KCNT1: variants seen among roughly 807,000 people sequenced by gnomAD.
KCNT1 encodes potassium channel subfamily T member 1.
KCNT1 carries 78 observed loss-of-function variants against 147.8 expected under a neutral mutation model. The ratio of observed to expected loss-of-function variants is 0.53; its 90% CI spans 0.44 to 0.64. KCNT1 has a LOEUF of 0.64. Ranked by LOEUF, KCNT1 falls within the 30% of genes least tolerant of loss-of-function variation. The pLI is 0.00. For synonymous variants in KCNT1, 867 were observed against 748.8 expected, an observed-to-expected ratio of 1.16 and a Z score of -2.58; for missense variants, 1,419 against 1,750.3, an observed-to-expected ratio of 0.81 and a Z score of 3.38.
At chr9:135,742,218 G>T (rs1052563279) in intron 2 of KCNT1, among the ~76,000 whole-genome samples, 1 of 152,218 alleles carries the variant, frequency 6.6e-6, no homozygotes, top group African/African-American at 2.4e-5. Flanking sequence ...TGCCTCACCC[G>T]CTGGTCTGGG....
At chr9:135,713,858 C>G (rs1835607060) in intron 1 of KCNT1, among the ~76,000 whole-genome samples, 1 of 152,188 alleles carries the variant, frequency 6.6e-6, no homozygotes, top group Admixed American at 6.5e-5. Context: ...AGGGGTCCTC[C>G]CACTCTACCT....
At chr9:135,790,739 G>C (rs538985546) in intron 29 of KCNT1, 1 of 152,538 alleles carries the variant, frequency 6.6e-6, no homozygotes, top group Non-Finnish European at 1.5e-5. Context: ...AGCAGCCAGG[G>C]TGGAGGCTCC....
chr9:135,714,835 C>A lies in KCNT1; in HGVS notation c.254+115C>A. 1.3e-6 allele frequency: 1 copy of A among 753,494 alleles called. No individual in the cohort carries two copies. Among genetic ancestry groups the A allele is most frequent in the Non-Finnish European group, 1.7e-6 (1 of 587,136 alleles). The allele number at this position is 753,494 out of a possible 1,614,324, so 46.7% of individuals were successfully genotyped here. A position where few individuals can be genotyped will look rare whatever the true frequency, so the allele number is the denominator to read the frequency against. ...GCGCGCCCCCGCAGCCGCCGGCGCCCTTCAACTTTTCCCGGCTTCTGGGGA... is the reference window on the plus strand; with the variant it reads ...GCGCGCCCCCGCAGCCGCCGGCGCCATTCAACTTTTCCCGGCTTCTGGGGA... On this transcript the variant is annotated intron_variant, in intron 2 of 30. Coordinates refer to ENST00000371757, the MANE Select transcript of KCNT1 (RefSeq NM_020822.3). This position sits in a 1 kb window ranked among gnomAD's most constrained non-coding sequence, Gnocchi z 6.2.
rs77728351 is a variant in KCNT1, at chr9:135,764,788, G to A, written c.1036-243G>A. 0.016 allele frequency among the ~76,000 whole-genome samples: 2,366 copies of A among 152,208 alleles called. 37 individuals carry two copies. The highest frequency in any genetic ancestry group is 0.031 in the South Asian group (151 of 4,812). On this transcript the variant is annotated intron_variant, in intron 11 of 30. Coordinates refer to ENST00000371757, the MANE Select transcript of KCNT1 (RefSeq NM_020822.3). ...TCGGTTTACTCCACAGTCTCCAGCC[G>A]CCCCTCCTCCCTTGGTCCCCACACA...
At chr9:135,706,811 G>A (rs1345637641) in intron 1 of KCNT1, among the ~76,000 whole-genome samples, 2 of 152,156 alleles carry the variant, frequency 1.3e-5, no homozygotes, top group Non-Finnish European at 2.9e-5. Context: ...TTGAGGGAGG[G>A]GGCTGGGGCA....
rs1471718086 is a variant in KCNT1, at chr9:135,772,811, G to A, written c.2105G>A (p.Gly702Asp). Residue 702 changes from glycine to aspartate, a missense_variant, in exon 19 of 31, where the codon GGC becomes GAC. Coordinates refer to ENST00000371757, the MANE Select transcript of KCNT1 (RefSeq NM_020822.3). Reference protein sequence around the residue: ...GSKLALPTENGSGSRRPSIAP... With the variant: ...GSKLALPTENDSGSRRPSIAP... ...AAGCTGGCACTGCCCACGGAGAACG[G>A]CTCGGGCAGCCGGCGGCCCAGCATC... 1 of 1,516,906 alleles carries A rather than the reference G, an allele frequency of 6.6e-7. No homozygotes were observed. The highest frequency in any genetic ancestry group is 8.8e-7 in the Non-Finnish European group (1 of 1,130,038). 94.0% of individuals were successfully genotyped at this position (1,516,906 alleles called of 1,614,324 possible).
At chr9:135,721,125 C>T (rs533228596) in intron 2 of KCNT1, among the ~76,000 whole-genome samples, 1 of 152,230 alleles carries the variant, frequency 6.6e-6, no homozygotes, top group Non-Finnish European at 1.5e-5. Context: ...AGGGTGGCCC[C>T]TGGACTGGGG....
chr9:135,736,748 C>T, intron 2 of KCNT1: 1 of 378,070 alleles, frequency 2.6e-6, no homozygotes, highest in Non-Finnish European at 4.7e-6. Flanking sequence ...CTGCTGCCGG[C>T]CCGCGGCGGG....
intron 2 of KCNT1, among the ~76,000 whole-genome samples, chr9:135,734,200 C>T (rs567039397): frequency 3.3e-5 from 5 of 152,280 alleles, no homozygotes; most frequent in Middle Eastern, 3.4e-3. Flanking sequence ...GCCATAGGGT[C>T]GAGCCTCTCC....
intron 2 of KCNT1, among the ~76,000 whole-genome samples, chr9:135,747,297 AC>A (rs1032167596): frequency 5.1e-4 from 66 of 129,782 alleles, no homozygotes; most frequent in Admixed American, 6.5e-4. Context: ...AGGTGAGCAG[AC>A]CCCCCGCGTT....
At chr9:135,708,658 C>T (rs1472772918) in intron 1 of KCNT1, among the ~76,000 whole-genome samples, 4 of 152,224 alleles carry the variant, frequency 2.6e-5, no homozygotes, top group Non-Finnish European at 5.9e-5. Flanking sequence ...TTAAATGATC[C>T]TCCCACTTCA....
intron 2 of KCNT1, among the ~76,000 whole-genome samples, chr9:135,745,318 C>T (rs1830772379): frequency 6.6e-6 from 1 of 152,144 alleles, no homozygotes; most frequent in Non-Finnish European, 1.5e-5. Flanking sequence ...GGCGTTCCAC[C>T]GAGCCCACGC....
At chr9:135,767,526 C>G (rs1209281900) in intron 13 of KCNT1, among the ~76,000 whole-genome samples, 1 of 152,098 alleles carries the variant, frequency 6.6e-6, no homozygotes, top group Admixed American at 6.5e-5. Context: ...GTAGCCAGGC[C>G]AGGGAGCGGA....
At position 135,757,183 on chromosome 9, in the gene KCNT1, G is replaced by T; in HGVS notation, c.628G>T (p.Val210Leu). 2.5e-6 allele frequency: 4 copies of T among 1,604,136 alleles called. No homozygotes were observed. Among genetic ancestry groups the T allele is most frequent in the Non-Finnish European group, 2.5e-6 (3 of 1,177,646 alleles). ...CAACATCTGGGAGCAGATCTTCCGCGTGTCCTTCGTCCTGGAGATGATCAA... is the reference window on the plus strand; with the variant it reads ...CAACATCTGGGAGCAGATCTTCCGCTTGTCCTTCGTCCTGGAGATGATCAA... Reference protein sequence around the residue: ...KGNIWEQIFRVSFVLEMINTL... With the variant: ...KGNIWEQIFRLSFVLEMINTL... Residue 210 changes from valine to leucine, a missense_variant, in exon 8 of 31, where the codon GTG becomes TTG. By Grantham distance (32) the Val-to-Leu change is conservative (BLOSUM62 1). Coordinates refer to ENST00000371757, the MANE Select transcript of KCNT1 (RefSeq NM_020822.3).
intron 24 of KCNT1, among the ~76,000 whole-genome samples, chr9:135,781,113 G>A (rs943883084): frequency 7.2e-5 from 11 of 152,244 alleles, no homozygotes; most frequent in South Asian, 2.1e-4. Flanking sequence ...CTGTGTTGCC[G>A]GGGCGGGTGC....
At chr9:135,734,521 G>C (rs139471560) in intron 2 of KCNT1, among the ~76,000 whole-genome samples, 22 of 152,292 alleles carry the variant, frequency 1.4e-4, no homozygotes, top group African/African-American at 5.1e-4. Context: ...TCCCCTCCCC[G>C]CACCCCAGGC....
rs1833885872 is a variant in KCNT1, at chr9:135,784,569, G to A, written c.2978G>A (p.Arg993Gln). The part of the protein sequence containing the change: ...FVKDYMITIT[R>Q]LLLGLDTTPG... ...AAGGACTACATGATCACCATCACCCGGCTGCTGCTGGGCCTGGACACCACG... is the reference window on the plus strand; with the variant it reads ...AAGGACTACATGATCACCATCACCCAGCTGCTGCTGGGCCTGGACACCACG... The change falls in exon 26 of 31, where the codon CGG becomes CAG. Residue 993 changes from arginine (R) to glutamine (Q), a missense_variant. Around this residue, in one of 5 missense-constraint regions of KCNT1, gnomAD observed 247 missense variants for 397.1 expected, o/e 0.62. Transcript: ENST00000371757. The A allele has an allele frequency of 3.4e-6, 5 of 1,478,554 alleles. No homozygotes were observed. The highest frequency in any genetic ancestry group is 4.5e-6 in the Non-Finnish European group (5 of 1,101,582). 91.6% of individuals were successfully genotyped at this position (1,478,554 alleles called of 1,614,324 possible).
chr9:135,751,117 T>C, intron 4 of KCNT1, 76 bp downstream of exon 4: 1 of 1,361,648 alleles, frequency 7.3e-7, no homozygotes, highest in East Asian at 2.3e-5. Context: ...TTACAGAAGC[T>C]GATGGCGTCC....
chr9:135,762,603 A>G (rs1475692523), intron 11 of KCNT1, among the ~76,000 whole-genome samples: 1 of 152,056 alleles, frequency 6.6e-6, no homozygotes, highest in Non-Finnish European at 1.5e-5. Context: ...AGGAAAAATT[A>G]GCCAGGCATG....
Sources: gnomAD v4.1 joint callset for allele counts (sites outside exome capture counted in the v4.1 genomes callset) on GRCh38, gnomAD v4.1.1 for gene constraint, gnomAD v4.1.1 regional missense constraint, Gnocchi (gnomAD v3.1) non-coding constraint, MANE v1.5 for transcripts, NCBI Gene and HGNC (gene_info 2026-07-23, HGNC 2026-07-21) for gene names.